Variants in ZNF346 observed in about 807,000 individuals in gnomAD.
ZNF346 encodes the protein double-stranded RNA-binding zinc finger protein JAZ.
Under a neutral mutation model 33.7 loss-of-function variants are expected in ZNF346, and 23 were observed. The observed-to-expected ratio is 0.68, with a 90% CI of 0.49 to 0.97. The LOEUF (loss-of-function observed/expected upper bound fraction) is 0.97, where lower values mean the gene tolerates loss of function less well. Ranked by LOEUF, ZNF346 falls within the 50% of genes least tolerant of loss-of-function variation. The pLI is 0.00. For missense variants in ZNF346, 340 were observed against 371.1 expected, an observed-to-expected ratio of 0.92 and a Z score of 0.69; for synonymous variants, 134 against 142.4, an observed-to-expected ratio of 0.94 and a Z score of 0.42.
At chr5:177,072,156 G>T (rs1019928521), downstream of ZNF346, among the ~76,000 whole-genome samples, 1 of 152,216 alleles carries the variant, frequency 6.6e-6, no homozygotes, top group Admixed American at 6.5e-5. Flanking sequence ...AACTGGCAAA[G>T]ACTTGATTTC....
chr5:177,023,483 T>A (rs1399020088), intron 1 of ZNF346, among the ~76,000 whole-genome samples: 2 of 152,310 alleles, frequency 1.3e-5, no homozygotes, highest in African/African-American at 4.8e-5. Context: ...CCTGAGAAAC[T>A]GGTCTGGGTT....
chr5:177,062,014 CCTT>C (rs759287472), intron 5 of ZNF346, 41 bp from the exon 6 acceptor site: 1 of 1,546,812 alleles, frequency 6.5e-7, no homozygotes, highest in Admixed American at 1.7e-5. Context: ...TCTTCAGGTT[CCTT>C]CTTTCTGGAT....
chr5:177,079,841 G>A (rs185079964), exon 9 of ZNF346: 2 of 152,416 alleles, frequency 1.3e-5, no homozygotes, highest in East Asian at 1.9e-4. Context: ...GTGGGTGTGA[G>A]GCTTGTAGGC....
At chr5:177,047,000 G>A (rs923111692) in intron 4 of ZNF346, among the ~76,000 whole-genome samples, 2 of 150,922 alleles carry the variant, frequency 1.3e-5, no homozygotes, top group African/African-American at 4.9e-5. Context: ...TGGATTACAC[G>A]TGTGGGGTTT....
chr5:177,060,117 C>T (rs1032488788), intron 5 of ZNF346, among the ~76,000 whole-genome samples: 1 of 152,188 alleles, frequency 6.6e-6, no homozygotes, highest in African/African-American at 2.4e-5. Flanking sequence ...ACTGGGAAGC[C>T]GCTGCCAGTT....
At chr5:177,047,272 C>T (rs1013629855) in intron 4 of ZNF346, among the ~76,000 whole-genome samples, 1 of 151,424 alleles carries the variant, frequency 6.6e-6, no homozygotes, top group Admixed American at 6.6e-5. Context: ...TGGTCTTGAA[C>T]TCCTGGCCTC....
intron 1 of ZNF346, among the ~76,000 whole-genome samples, chr5:177,036,551 G>T (rs967543542): frequency 6.6e-6 from 1 of 151,980 alleles, no homozygotes; most frequent in Non-Finnish European, 1.5e-5. Flanking sequence ...GTGTGTGTAC[G>T]CAGCCTCAGG....
chr5:177,030,791 C>A (rs1777569878), intron 1 of ZNF346, among the ~76,000 whole-genome samples: 1 of 152,072 alleles, frequency 6.6e-6, no homozygotes, highest in African/African-American at 2.4e-5. Flanking sequence ...GCAATCATCC[C>A]TGGCAACGAC....
intron 1 of ZNF346, among the ~76,000 whole-genome samples, chr5:177,027,485 C>T (rs1335632762): frequency 6.6e-6 from 1 of 150,628 alleles, no homozygotes; most frequent in East Asian, 2.0e-4. Context: ...ACTCAGGTGG[C>T]TGAGGCACGA....
rs1775981571 is a variant in ZNF346 at position 177,022,829 on chromosome 5, C to A, written c.91C>A (p.Pro31Thr). ...CTCGGAGTTGCTGGAGGGCCAGGAG[C>A]CGGACGGGGTGCGCTTTGACCGCGA... Reference protein sequence around the residue: ...SSSELLEGQEPDGVRFDRERA... With the variant: ...SSSELLEGQETDGVRFDRERA... The change falls in exon 1 of 7, where the codon CCG (proline) becomes ACG (threonine). Residue 31 changes from proline (P) to threonine (T), a missense_variant. Pro to Thr is a conservative substitution (Grantham distance 38, BLOSUM62 -1). Coordinates refer to ENST00000358149, the MANE Select transcript of ZNF346 (RefSeq NM_012279.4). The A allele has an allele frequency of 6.5e-7, 1 of 1,539,456 alleles. No individual in the cohort carries two copies. Among genetic ancestry groups the A allele is most frequent in the Non-Finnish European group, 8.7e-7 (1 of 1,142,874 alleles).
intron 1 of ZNF346, among the ~76,000 whole-genome samples, chr5:177,026,503 G>A (rs1191594375): frequency 6.6e-6 from 1 of 151,720 alleles, no homozygotes; most frequent in Non-Finnish European, 1.5e-5. Flanking sequence ...GGGATTACAG[G>A]AGGGTGCTAC....
exon 9 of ZNF346, chr5:177,080,399 A>G (rs144030612): frequency 6.6e-6 from 1 of 152,378 alleles, no homozygotes; most frequent in African/African-American, 2.4e-5. Context: ...ATTGTGCTTG[A>G]CATACATCAT....
At chr5:177,022,983 C>G (rs1776048511) in intron 1 of ZNF346, 70 bp downstream of exon 1, 1 of 1,437,272 alleles carries the variant, frequency 7.0e-7, no homozygotes, top group Non-Finnish European at 9.1e-7. Flanking sequence ...TGCGGAAGCG[C>G]CGACGGTCAC....
chr5:177,026,274 G>T (rs1306471821), intron 1 of ZNF346, among the ~76,000 whole-genome samples: 1 of 151,612 alleles, frequency 6.6e-6, no homozygotes, highest in Non-Finnish European at 1.5e-5. Flanking sequence ...CAAAGTGCTG[G>T]CATTACACGC....
At chr5:177,041,901 C>A (rs758735948) in intron 3 of ZNF346, 31 bp downstream of exon 3, 15 of 1,480,118 alleles carry the variant, frequency 1.0e-5, no homozygotes, top group African/African-American at 1.4e-5. Context: ...AGCCCACTTG[C>A]TTCATGATGA....
chr5:177,051,964 G>C (rs927127033), intron 5 of ZNF346: 3 of 148,110 alleles, frequency 2.0e-5, no homozygotes, highest in Non-Finnish European at 3.0e-5. Context: ...AAGAGTTCAA[G>C]ACCAGCCTGG....
At chr5:177,039,511 A>G (rs968730034) in intron 1 of ZNF346, among the ~76,000 whole-genome samples, 3 of 151,106 alleles carry the variant, frequency 2.0e-5, no homozygotes, top group African/African-American at 4.9e-5. Flanking sequence ...GTACAGTGGC[A>G]CTAACATGGC....
chr5:177,063,319 T>G (rs1782773793), intron 6 of ZNF346, among the ~76,000 whole-genome samples: 1 of 152,232 alleles, frequency 6.6e-6, no homozygotes, highest in Admixed American at 6.5e-5. Flanking sequence ...TTTGCTTTGC[T>G]CATTGAGCTG....
chr5:177,038,898 G>A (rs1045115379), intron 1 of ZNF346, among the ~76,000 whole-genome samples: 12 of 150,358 alleles, frequency 8.0e-5, no homozygotes, highest in Non-Finnish European at 1.5e-4. Flanking sequence ...GTGTGTGTGT[G>A]TGTGTGTGTG....
Sources: gnomAD v4.1 joint callset for allele counts (sites outside exome capture counted in the v4.1 genomes callset) on GRCh38, gnomAD v4.1.1 for gene constraint, MANE v1.5 for transcripts, NCBI Gene and HGNC (gene_info 2026-07-23, HGNC 2026-07-21) for gene names.